The following RANBP2 variants were observed in gnomAD, a reference collection of about 807,000 sequenced individuals.
RANBP2 encodes the protein RAN binding protein 2, also known as E3 SUMO-protein ligase RanBP2.
A neutral mutation model predicts 303.6 loss-of-function variants in RANBP2; 57 were observed. The observed-to-expected ratio is 0.19, with a 90% confidence interval of 0.15 to 0.23. RANBP2 has a LOEUF of 0.23. RANBP2 is among the 10% of genes least tolerant of loss of function. The pLI is 1.00. For missense variants in RANBP2, 3,138 were observed against 3,780.8 expected (o/e 0.83, Z 4.46); for synonymous variants, 1,167 against 1,301.5 (o/e 0.90, Z 2.23).
chr2:109,219,889 C>T, the RANBP2 span, among the ~76,000 whole-genome samples: 3 of 152,098 alleles, frequency 2.0e-5, no homozygotes, highest in African/African-American at 7.2e-5. Context: ...TCTATCAAAA[C>T]CCCAATGGCG....
chr2:109,316,998 C>T, the RANBP2 span, among the ~76,000 whole-genome samples: 2 of 152,032 alleles, frequency 1.3e-5, no homozygotes, highest in Non-Finnish European at 1.5e-5. Context: ...CTTTTTATCA[C>T]TGAATAACAC....
the RANBP2 span, among the ~76,000 whole-genome samples, chr2:109,173,520 T>C: frequency 6.6e-6 from 1 of 152,304 alleles, no homozygotes; most frequent in South Asian, 2.1e-4. Context: ...CTGCAGGCTA[T>C]GTATTGTCTG....
At chr2:109,408,617 C>T in the RANBP2 span, among the ~76,000 whole-genome samples, 1 of 152,244 alleles carries the variant, frequency 6.6e-6, no homozygotes, top group East Asian at 1.9e-4. Flanking sequence ...AGAGTGCTTT[C>T]CCTCTCTGTA....
the RANBP2 span, among the ~76,000 whole-genome samples, chr2:109,570,777 C>A: frequency 6.6e-6 from 1 of 152,122 alleles, no homozygotes; most frequent in Non-Finnish European, 1.5e-5. Context: ...CTGCCTTGGC[C>A]TCTGAAAGTG....
At chr2:109,438,743 C>T in the RANBP2 span, among the ~76,000 whole-genome samples, 1 of 152,196 alleles carries the variant, frequency 6.6e-6, no homozygotes, top group South Asian at 2.1e-4. Context: ...GCTGGGGATA[C>T]AGTCATTGCA....
At chr2:109,559,452 T>C in the RANBP2 span, among the ~76,000 whole-genome samples, 2 of 152,206 alleles carry the variant, frequency 1.3e-5, no homozygotes, top group African/African-American at 4.8e-5. Context: ...ACCCAGTCCG[T>C]AGCCTGACCT....
the RANBP2 span, among the ~76,000 whole-genome samples, chr2:108,835,854 C>G: frequency 6.6e-6 from 1 of 152,160 alleles, no homozygotes; most frequent in African/African-American, 2.4e-5. Flanking sequence ...TCTCACAGTC[C>G]TGGCAGCTGG....
chr2:109,368,834 A>G, the RANBP2 span, among the ~76,000 whole-genome samples: 2 of 151,948 alleles, frequency 1.3e-5, no homozygotes, highest in South Asian at 4.1e-4. Flanking sequence ...TGCTGTTGTG[A>G]CAGCTCTGAT....
the RANBP2 span, among the ~76,000 whole-genome samples, chr2:109,383,662 A>G: frequency 6.6e-6 from 1 of 152,270 alleles, no homozygotes; most frequent in East Asian, 1.9e-4. Flanking sequence ...GCAGAATGAG[A>G]AACAGCACTG....
At chr2:108,805,074 A>T in the RANBP2 span, 49 of 901,282 alleles carry the variant, frequency 5.4e-5, no homozygotes, top group African/African-American at 8.4e-4. Context: ...TATATAACAA[A>T]TTAAAGTCAG....
At chr2:109,101,809 C>T in the RANBP2 span, among the ~76,000 whole-genome samples, 9 of 152,148 alleles carry the variant, frequency 5.9e-5, no homozygotes, top group East Asian at 1.7e-3. Flanking sequence ...GGAGTTGCCT[C>T]AAATTCAGGG....
At chr2:109,674,445 A>T in the RANBP2 span, among the ~76,000 whole-genome samples, 1 of 147,154 alleles carries the variant, frequency 6.8e-6, no homozygotes, top group East Asian at 2.0e-4. Context: ...TTAACCGAGC[A>T]TGATGGCATG....
chr2:109,650,835 A>G, the RANBP2 span, among the ~76,000 whole-genome samples: 1 of 152,134 alleles, frequency 6.6e-6, no homozygotes, highest in Non-Finnish European at 1.5e-5. Flanking sequence ...TGAGTCCAAT[A>G]AACCTCTTTT....
chr2:109,339,251 C>A, the RANBP2 span, among the ~76,000 whole-genome samples: 4 of 150,928 alleles, frequency 2.7e-5, no homozygotes, highest in East Asian at 2.0e-4. Flanking sequence ...CAGTTTAAAC[C>A]CATGTTGGTT....
At chr2:109,170,817 A>G in the RANBP2 span, among the ~76,000 whole-genome samples, 1 of 152,214 alleles carries the variant, frequency 6.6e-6, no homozygotes. Flanking sequence ...TGCACAGGGC[A>G]TAGTTTACCT....
the RANBP2 span, among the ~76,000 whole-genome samples, chr2:109,381,752 G>A: frequency 1.3e-5 from 2 of 152,152 alleles, no homozygotes; most frequent in Middle Eastern, 3.2e-3. Context: ...GACATGGAAC[G>A]AAGGTGCTCT....
the RANBP2 span, among the ~76,000 whole-genome samples, chr2:108,810,875 T>C: frequency 1.3e-5 from 2 of 152,218 alleles, no homozygotes; most frequent in Non-Finnish European, 2.9e-5. Context: ...ATGATTGGTC[T>C]GTTCTAGTTT....
the RANBP2 span, among the ~76,000 whole-genome samples, chr2:108,911,796 A>G: frequency 6.6e-6 from 1 of 152,262 alleles, no homozygotes; most frequent in African/African-American, 2.4e-5. Context: ...GAAGCTCCCA[A>G]ATCATCTCGG....
chr2:109,001,524 C>T, the RANBP2 span, among the ~76,000 whole-genome samples: 2 of 152,170 alleles, frequency 1.3e-5, no homozygotes, highest in Admixed American at 1.3e-4. Flanking sequence ...GGGGACCCTC[C>T]CACTGTGCCT....
Sources: gnomAD v4.1 joint callset for allele counts (sites outside exome capture counted in the v4.1 genomes callset) on GRCh38, gnomAD v4.1.1 for gene constraint, MANE v1.5 for transcripts, NCBI Gene and HGNC (gene_info 2026-07-23, HGNC 2026-07-21) for gene names.